Variants in ANK2 observed in about 807,000 individuals in gnomAD.
ANK2 encodes the protein ankyrin 2, also known as ankyrin-2.
In ANK2, 83 loss-of-function variants were observed where a neutral mutation model predicts 360.5. The observed-to-expected ratio is 0.23, with a 90% CI of 0.19 to 0.28. The LOEUF (loss-of-function observed/expected upper bound fraction) is 0.28. Among genes scored for constraint, ANK2 ranks in the 10% least tolerant of loss-of-function variants. ANK2 has a pLI of 1.00. For synonymous variants in ANK2, 1,740 were observed against 1,759.5 expected (o/e 0.99, Z 0.28); for missense variants, 4,201 against 4,795.7 (o/e 0.88, Z 3.66).
In ANK2 at chr4:113,258,294, C is replaced by A; in HGVS notation, c.1288-19C>A. On this transcript the variant is annotated intron_variant, in intron 12 of 45. Coordinates refer to ENST00000357077, the MANE Select transcript of ANK2 (RefSeq NM_001148.6). ...CCACCGGTGCAGAGGAGTAAAACTG[C>A]TGTTGCTTTGTTTCGCAGTCTGGCC... The A allele has an allele frequency of 6.2e-7, 1 of 1,612,324 alleles. No individual in the cohort carries two copies. The highest frequency in any genetic ancestry group is 8.5e-7 in the Non-Finnish European group (1 of 1,178,604).
At chr4:112,918,297 G>A (rs2090497648) in intron 2 of ANK2, among the ~76,000 whole-genome samples, 1 of 152,086 alleles carries the variant, frequency 6.6e-6, no homozygotes, top group South Asian at 2.1e-4. Context: ...AGGGTGGAAT[G>A]AAGATAGCTT....
intron 2 of ANK2, among the ~76,000 whole-genome samples, chr4:112,961,985 G>A (rs764559237): frequency 6.6e-6 from 1 of 152,148 alleles, no homozygotes; most frequent in Non-Finnish European, 1.5e-5. Context: ...GATCTACAAT[G>A]TGCAGCCAGA....
the ANK2 span, among the ~76,000 whole-genome samples, chr4:112,810,914 T>A: frequency 1.3e-5 from 2 of 148,750 alleles, no homozygotes; most frequent in African/African-American, 5.0e-5. Flanking sequence ...TGGATCAATT[T>A]TCTTTTTCTT....
intron 1 of ANK2, among the ~76,000 whole-genome samples, chr4:113,170,837 C>A (rs893749010): frequency 2.6e-5 from 4 of 152,154 alleles, no homozygotes; most frequent in African/African-American, 9.7e-5. Flanking sequence ...CCTGAGATGT[C>A]ACTCCAGGGT....
At chr4:112,843,335 A>G (rs903332329) in intron 1 of ANK2, among the ~76,000 whole-genome samples, 4 of 152,096 alleles carry the variant, frequency 2.6e-5, no homozygotes, top group Admixed American at 6.5e-5. Context: ...TTCTGTTTTC[A>G]TCCCAAGTAC....
chr4:113,175,998 A>C (rs759630833), intron 2 of ANK2, among the ~76,000 whole-genome samples: 1 of 152,214 alleles, frequency 6.6e-6, no homozygotes, highest in African/African-American at 2.4e-5. Context: ...TATCTGGGCT[A>C]TTTCTCAGGG....
the ANK2 span, among the ~76,000 whole-genome samples, chr4:112,747,161 C>A: frequency 3.3e-5 from 5 of 152,188 alleles, no homozygotes; most frequent in African/African-American, 1.2e-4. Context: ...GTGACACATT[C>A]TTTAGCCAAA....
chr4:113,180,888 C>A (rs2098395624), intron 2 of ANK2, among the ~76,000 whole-genome samples: 1 of 152,026 alleles, frequency 6.6e-6, no homozygotes, highest in African/African-American at 2.4e-5. Flanking sequence ...GTGATGTTTC[C>A]ATCTGGTTCT....
At chr4:112,789,476 T>TA in the ANK2 span, among the ~76,000 whole-genome samples, 20,218 of 151,878 alleles carry the variant, frequency 0.13, 2,130 homozygotes, top group East Asian at 0.5. Flanking sequence ...ACCAAGGAGG[T>TA]AGAGAAAGGC....
chr4:113,176,118 A>G (rs931052306), intron 2 of ANK2, among the ~76,000 whole-genome samples: 2 of 152,186 alleles, frequency 1.3e-5, no homozygotes, highest in Admixed American at 6.5e-5. Context: ...CACAACCCAC[A>G]TGTATGGGCA....
At chr4:113,273,832 A>G (rs1195442561) in intron 14 of ANK2, among the ~76,000 whole-genome samples, 2 of 152,052 alleles carry the variant, frequency 1.3e-5, no homozygotes, top group Non-Finnish European at 2.9e-5. Context: ...AGTTCACCCT[A>G]TTTGCTTTTT....
At chr4:113,350,186 G>A in intron 36 of ANK2, 42 bp from the exon 37 acceptor site, 1 of 1,588,600 alleles carries the variant, frequency 6.3e-7, no homozygotes, top group Non-Finnish European at 8.6e-7. Flanking sequence ...ATGAGCCAAG[G>A]CAGTATTTGT....
chr4:113,068,924 G>A (rs574339865), intron 1 of ANK2, among the ~76,000 whole-genome samples: 22 of 152,156 alleles, frequency 1.4e-4, no homozygotes, highest in African/African-American at 4.1e-4. Context: ...TTAGCTAGGC[G>A]TGGTGGTGCA....
chr4:112,785,127 G>A, the ANK2 span, among the ~76,000 whole-genome samples: 1 of 152,178 alleles, frequency 6.6e-6, no homozygotes, highest in African/African-American at 2.4e-5. Context: ...CATTTAGAAG[G>A]TTCTGTGAGC....
chr4:113,043,881 T>G (rs2063586676), intron 2 of ANK2, among the ~76,000 whole-genome samples: 1 of 152,104 alleles, frequency 6.6e-6, no homozygotes, highest in Non-Finnish European at 1.5e-5. Context: ...GCTCTGGGAT[T>G]GTGATTCTAT....
At chr4:113,361,794 G>A (rs532190104) in intron 39 of ANK2, among the ~76,000 whole-genome samples, 19 of 151,854 alleles carry the variant, frequency 1.3e-4, no homozygotes, top group African/African-American at 1.4e-4. Flanking sequence ...CAAACTATCC[G>A]TGATTGACTT....
chr4:113,367,788 A>T lies in ANK2; in HGVS notation c.11255A>T (p.Asp3752Val). Reference sequence around the variant, plus strand: ...ACTCACAAGGAGCAAGTTCAACAGGATTTCTCAGGGAAAATGCAAGACCTG... The same window carrying T: ...ACTCACAAGGAGCAAGTTCAACAGGTTTTCTCAGGGAAAATGCAAGACCTG... ...PQTHKEQVQQ[D>V]FSGKMQDLPE... The change falls in exon 42 of 46, where the codon GAT (aspartate) becomes GTT (valine). Residue 3752 changes from aspartate (D) to valine (V), a missense_variant. This residue lies in a region of ANK2 where 2,642 missense variants were observed against 2,714.5 expected (regional missense o/e 0.97). Transcript: ENST00000357077. The T allele has an allele frequency of 6.2e-7, 1 of 1,614,100 alleles. No homozygotes were observed. The highest frequency in any genetic ancestry group is 8.5e-7 in the Non-Finnish European group (1 of 1,179,998).
In ANK2 at chr4:112,944,886, A is replaced by C. The variant is rs77331468; in HGVS notation, c.21+40372A>C. On this transcript the variant is annotated intron_variant, in intron 2 of 30. Coordinates refer to the ANK2 transcript ENST00000503271. Reference sequence around the variant, plus strand: ...GAGAGTTGATTATCTTTTAGGAAAAAGTACCTTTCTGAAAAAGGCAGTGTC... The same window carrying C: ...GAGAGTTGATTATCTTTTAGGAAAACGTACCTTTCTGAAAAAGGCAGTGTC... Among the ~76,000 whole-genome samples, 806 of 152,308 alleles carry C rather than the reference A, an allele frequency of 5.3e-3. 8 individuals carry two copies. Among genetic ancestry groups the C allele is most frequent in the African/African-American group, 0.018 (754 of 41,572 alleles).
chr4:112,766,208 TGTAGTCCCAGCTAC>T, the ANK2 span, among the ~76,000 whole-genome samples: 1 of 151,872 alleles, frequency 6.6e-6, no homozygotes, highest in African/African-American at 2.4e-5. Flanking sequence ...GGTGCACGCC[TGTAGTCCCAGCTAC>T]TTGGGAGGCT....
Sources: gnomAD v4.1 joint callset for allele counts (sites outside exome capture counted in the v4.1 genomes callset) on GRCh38, gnomAD v4.1.1 for gene constraint, gnomAD v4.1.1 regional missense constraint, MANE v1.5 for transcripts, NCBI Gene and HGNC (gene_info 2026-07-23, HGNC 2026-07-21) for gene names.